The following ZBTB42 variants were observed in gnomAD, a reference collection of about 807,000 sequenced individuals.
The protein encoded by ZBTB42 is zinc finger and BTB domain-containing protein 42.
In ZBTB42, 3 loss-of-function variants were observed where a neutral mutation model predicts 4.7. The observed-to-expected ratio is 0.64, with a 90% confidence interval of 0.29 to 1.66. The LOEUF (loss-of-function observed/expected upper bound fraction) is 1.66, where lower values mean the gene tolerates loss of function less well. ZBTB42 is among the 40% of genes most tolerant of loss of function. The pLI is 0.10. For missense variants in ZBTB42, 521 were observed against 577.1 expected (o/e 0.90, Z 1.00); for synonymous variants, 255 against 259.5 (o/e 0.98, Z 0.17).
rs1894079966 is a variant in ZBTB42, at chr14:104,802,829, C to G, written c.*363C>G. 3.1e-6 allele frequency: 1 copy of G among 321,028 alleles called. No homozygotes were observed. The highest frequency in any genetic ancestry group is 2.2e-5 in the African/African-American group (1 of 46,342). 19.9% of individuals were successfully genotyped at this position (321,028 alleles called of 1,614,324 possible). On this transcript the variant is annotated 3_prime_UTR_variant, in exon 1 of 1. Coordinates refer to ENST00000342537, the MANE Select transcript of ZBTB42 (RefSeq NM_001137601.3). This position sits in a 1 kb window ranked among gnomAD's most constrained non-coding sequence, Gnocchi z 5.9. ...CGTTTCTCCGTGTGAGATGGCACAT[C>G]CATCTCCCGGCCCGGGACTTTCCTG...
upstream of ZBTB42, chr14:104,800,643 C>G (rs973371005): frequency 6.8e-6 from 1 of 145,996 alleles, no homozygotes; most frequent in Non-Finnish European, 1.5e-5. The surrounding 1 kb of genome is among the most constrained non-coding windows in gnomAD (Gnocchi z 5.3). Context: ...GCGCCAGGGC[C>G]GCCCTGGGGA....
Position 104,802,531 on chromosome 14 carries a change from A to G in ZBTB42, c.*65A>G. On this transcript the variant is annotated 3_prime_UTR_variant, in exon 1 of 1. Transcript: ENST00000342537. This position sits in a 1 kb window ranked among gnomAD's most constrained non-coding sequence, Gnocchi z 5.9. Reference sequence around the variant, plus strand: ...GGATGGGCCCTCCCAGGTGGGACACAGCATGGGGTGTGAAGCCTGACCAGG... The same window carrying G: ...GGATGGGCCCTCCCAGGTGGGACACGGCATGGGGTGTGAAGCCTGACCAGG... The G allele has an allele frequency of 6.6e-7, 1 of 1,504,900 alleles. No individual in the cohort carries two copies. Among genetic ancestry groups the G allele is most frequent in the Non-Finnish European group, 8.9e-7 (1 of 1,121,766 alleles). 93.2% of individuals were successfully genotyped at this position (1,504,900 alleles called of 1,614,324 possible).
rs1555386344 is a variant in ZBTB42, at chr14:104,803,075, G to GGT, written c.*610_*611insTG. 1 of 150,548 alleles carries GGT rather than the reference G, an allele frequency of 6.6e-6. No homozygotes were observed. Among genetic ancestry groups the GGT allele is most frequent in the Non-Finnish European group, 1.6e-5 (1 of 62,870 alleles). The allele number at this position is 150,548 out of a possible 1,614,324, so 9.3% of individuals were successfully genotyped here. ...GGCACAGCTGGTGTCTCGGGGTGGG[G>GGT]GGGGGGGTGCAGCCCCAGCAGGGAT... On this transcript the variant is annotated 3_prime_UTR_variant, in exon 1 of 1. Transcript: ENST00000342537.
At position 104,802,592 on chromosome 14, in the gene ZBTB42, C is replaced by T. The variant is rs888186781; in HGVS notation, c.*126C>T. On this transcript the variant is annotated 3_prime_UTR_variant, in exon 1 of 1. Transcript: ENST00000342537. The surrounding 1 kb of genome is among the most constrained non-coding windows in gnomAD (Gnocchi z 5.9). ...TGCTTGGGCCAGATGGCTCCACCCTCCTGGCAGAGAGAATGCTGCCTCTTC... is the reference window on the plus strand; with the variant it reads ...TGCTTGGGCCAGATGGCTCCACCCTTCTGGCAGAGAGAATGCTGCCTCTTC... 18 of 1,355,326 alleles carry T rather than the reference C, an allele frequency of 1.3e-5. No individual in the cohort carries two copies. The African/African-American group carries it at 1.8e-4, about 13-fold the overall frequency. 84.0% of individuals were successfully genotyped at this position (1,355,326 alleles called of 1,614,324 possible). A position where few individuals can be genotyped will look rare whatever the true frequency, so the allele number is the denominator to read the frequency against.
chr14:104,802,644 C>T lies in ZBTB42; in HGVS notation c.*178C>T. ...TGGAACTTGGCCTCAGACTCGGTAA[C>T]TTGGGCAGCCTTCCTCCCACCTTGC... On this transcript the variant is annotated 3_prime_UTR_variant, in exon 1 of 1. Transcript: ENST00000342537. This position sits in a 1 kb window ranked among gnomAD's most constrained non-coding sequence, Gnocchi z 5.9. The T allele has an allele frequency of 4.4e-6, 4 of 917,560 alleles. No homozygotes were observed. The highest frequency in any genetic ancestry group is 6.5e-6 in the Non-Finnish European group (4 of 614,602). 56.8% of individuals were successfully genotyped at this position (917,560 alleles called of 1,614,324 possible).
At position 104,801,363 on chromosome 14, in the gene ZBTB42, C is replaced by G. The variant is rs1033343666; in HGVS notation, c.166C>G (p.Arg56Gly). Reference sequence around the variant, plus strand: ...CTACTTCCATCTCTTCTACAGGGACCGGCCCGCGGGCAGTCGCGACACGGT... The same window carrying G: ...CTACTTCCATCTCTTCTACAGGGACGGGCCCGCGGGCAGTCGCGACACGGT... The part of the protein sequence containing the change: ...SVYFHLFYRD[R>G]PAGSRDTVRL... The change falls in exon 1 of 1, where the codon CGG becomes GGG. Residue 56 changes from arginine to glycine, a missense_variant. Coordinates refer to ENST00000342537, the MANE Select transcript of ZBTB42 (RefSeq NM_001137601.3). The surrounding 1 kb of genome is among the most constrained non-coding windows in gnomAD (Gnocchi z 4.4). 6.5e-7 allele frequency: 1 copy of G among 1,547,524 alleles called. No homozygotes were observed. The highest frequency in any genetic ancestry group is 1.4e-5 in the African/African-American group (1 of 73,098).
chr14:104,802,407 G>C lies in ZBTB42; in HGVS notation c.1210G>C (p.Asp404His). 1.3e-6 allele frequency: 2 copies of C among 1,551,064 alleles called. No individual in the cohort carries two copies. Among genetic ancestry groups the C allele is most frequent in the Non-Finnish European group, 1.7e-6 (2 of 1,147,234 alleles). Residue 404 changes from aspartate to histidine, a missense_variant, in exon 1 of 1, where the codon GAC becomes CAC. Physicochemically the swap from Asp to His is moderately conservative, Grantham distance 81. Coordinates refer to ENST00000342537, the MANE Select transcript of ZBTB42 (RefSeq NM_001137601.3). This position sits in a 1 kb window ranked among gnomAD's most constrained non-coding sequence, Gnocchi z 5.9. Reference protein sequence around the residue: ...WCERRFTQSGDLYRHVRKFHC... With the variant: ...WCERRFTQSGHLYRHVRKFHC... ...TGAGCGCCGTTTCACGCAGTCCGGG[G>C]ACCTCTACCGCCACGTCCGCAAGTT...
Position 104,801,194 on chromosome 14 carries a change from C to G in ZBTB42, c.-4C>G. On this transcript the variant is annotated 5_prime_UTR_variant, in exon 1 of 1. Coordinates refer to ENST00000342537, the MANE Select transcript of ZBTB42 (RefSeq NM_001137601.3). The surrounding 1 kb of genome is among the most constrained non-coding windows in gnomAD (Gnocchi z 4.4). ...GTTTGTGCCCAGGTGATGACGGCGGCGGCATGGAGTTCCCTGAGCACGGCG... is the reference window on the plus strand; with the variant it reads ...GTTTGTGCCCAGGTGATGACGGCGGGGGCATGGAGTTCCCTGAGCACGGCG... 1 of 1,411,650 alleles carries G rather than the reference C, an allele frequency of 7.1e-7. No individual in the cohort carries two copies. Among genetic ancestry groups the G allele is most frequent in the Non-Finnish European group, 9.2e-7 (1 of 1,087,610 alleles). The allele number at this position is 1,411,650 out of a possible 1,614,324, so 87.4% of individuals were successfully genotyped here.
Position 104,803,287 on chromosome 14 carries a change from T to G in ZBTB42, c.*821T>G, listed in dbSNP as rs1186974657. 1.2e-5 allele frequency: 2 copies of G among 166,956 alleles called. No individual in the cohort carries two copies. Among genetic ancestry groups the G allele is most frequent in the African/African-American group, 4.8e-5 (2 of 41,468 alleles). The allele number at this position is 166,956 out of a possible 1,614,324, so 10.3% of individuals were successfully genotyped here. A position where few individuals can be genotyped will look rare whatever the true frequency, so the allele number is the denominator to read the frequency against. ...GAGCCTCCTGAGGCGGCCAGATGTC[T>G]GCTGGTGGCCGCCCAGCCACATGCT... On this transcript the variant is annotated 3_prime_UTR_variant, in exon 1 of 1. Coordinates refer to ENST00000342537, the MANE Select transcript of ZBTB42 (RefSeq NM_001137601.3).
Position 104,802,745 on chromosome 14 carries a change from T to G in ZBTB42, c.*279T>G. The G allele has an allele frequency of 1.9e-6, 1 of 522,248 alleles. No individual in the cohort carries two copies. Among genetic ancestry groups the G allele is most frequent in the South Asian group, 2.4e-5 (1 of 41,568 alleles). 32.4% of individuals were successfully genotyped at this position (522,248 alleles called of 1,614,324 possible). ...TGCCTAGGCTGTGACACTATCTTCC[T>G]CTCCCGTCCCCTCCAGCCAAGTTCT... On this transcript the variant is annotated 3_prime_UTR_variant, in exon 1 of 1. Coordinates refer to ENST00000342537, the MANE Select transcript of ZBTB42 (RefSeq NM_001137601.3). This position sits in a 1 kb window ranked among gnomAD's most constrained non-coding sequence, Gnocchi z 5.9.
At chr14:104,800,647 C>T (rs1894017093), upstream of ZBTB42, 1 of 146,040 alleles carries the variant, frequency 6.8e-6, no homozygotes, top group Admixed American at 6.8e-5. This position sits in a 1 kb window ranked among gnomAD's most constrained non-coding sequence, Gnocchi z 5.3. Flanking sequence ...CAGGGCCGCC[C>T]TGGGGAGGGC....
rs1381269821 is a variant in ZBTB42, at chr14:104,803,074, G to C, written c.*608G>C. On this transcript the variant is annotated 3_prime_UTR_variant, in exon 1 of 1. Coordinates refer to ENST00000342537, the MANE Select transcript of ZBTB42 (RefSeq NM_001137601.3). ...GGGCACAGCTGGTGTCTCGGGGTGG[G>C]GGGGGGGGTGCAGCCCCAGCAGGGA... 4 of 150,522 alleles carry C rather than the reference G, an allele frequency of 2.7e-5. No individual in the cohort carries two copies. The highest frequency in any genetic ancestry group is 2.8e-4 in the South Asian group (1 of 3,528). 9.3% of individuals were successfully genotyped at this position (150,522 alleles called of 1,614,324 possible). A position where few individuals can be genotyped will look rare whatever the true frequency, so the allele number is the denominator to read the frequency against.
In ZBTB42 at chr14:104,802,741, T is replaced by G; in HGVS notation, c.*275T>G. Reference sequence around the variant, plus strand: ...GCCCTGCCTAGGCTGTGACACTATCTTCCTCTCCCGTCCCCTCCAGCCAAG... The same window carrying G: ...GCCCTGCCTAGGCTGTGACACTATCGTCCTCTCCCGTCCCCTCCAGCCAAG... On this transcript the variant is annotated 3_prime_UTR_variant, in exon 1 of 1. Transcript: ENST00000342537. The surrounding 1 kb of genome is among the most constrained non-coding windows in gnomAD (Gnocchi z 5.9). 5.6e-6 allele frequency: 3 copies of G among 534,670 alleles called. No homozygotes were observed. The highest frequency in any genetic ancestry group is 6.9e-6 in the Non-Finnish European group (2 of 291,898). 33.1% of individuals were successfully genotyped at this position (534,670 alleles called of 1,614,324 possible).
upstream of ZBTB42, chr14:104,801,024 A>G: frequency 1.3e-6 from 1 of 769,654 alleles, no homozygotes; most frequent in Non-Finnish European, 1.9e-6. This position sits in a 1 kb window ranked among gnomAD's most constrained non-coding sequence, Gnocchi z 4.4. Context: ...TTTACTTTCG[A>G]TCGAGTTTTT....
chr14:104,802,496 G>A lies in ZBTB42; in HGVS notation c.*30G>A, dbSNP rs1894070569. The A allele has an allele frequency of 1.3e-6, 2 of 1,531,154 alleles. No homozygotes were observed. The highest frequency in any genetic ancestry group is 1.8e-6 in the Non-Finnish European group (2 of 1,135,616). The allele number at this position is 1,531,154 out of a possible 1,614,324, so 94.8% of individuals were successfully genotyped here. On this transcript the variant is annotated 3_prime_UTR_variant, in exon 1 of 1. Coordinates refer to ENST00000342537, the MANE Select transcript of ZBTB42 (RefSeq NM_001137601.3). This position sits in a 1 kb window ranked among gnomAD's most constrained non-coding sequence, Gnocchi z 5.9. The stretch of plus-strand genomic sequence containing the variant: ...TCCCTGTGGGTCCTGAGGGTGGGGT[G>A]GAAGGGAAGGGATGGGCCCTCCCAG...
In ZBTB42 at chr14:104,804,552, G is replaced by C. The variant is rs1471181593; in HGVS notation, c.*2086G>C. 1 of 166,916 alleles carries C rather than the reference G, an allele frequency of 6.0e-6. No homozygotes were observed. The highest frequency in any genetic ancestry group is 1.5e-5 in the Non-Finnish European group (1 of 68,144). 10.3% of individuals were successfully genotyped at this position (166,916 alleles called of 1,614,324 possible). A position where few individuals can be genotyped will look rare whatever the true frequency, so the allele number is the denominator to read the frequency against. On this transcript the variant is annotated 3_prime_UTR_variant, in exon 1 of 1. Coordinates refer to ENST00000342537, the MANE Select transcript of ZBTB42 (RefSeq NM_001137601.3). ...AGCAGCGTGGGGGTCTCCTGGGCCA[G>C]CTCGGCACCTGTGGGTGCTCTGACC...
chr14:104,802,078 G>T lies in ZBTB42; in HGVS notation c.881G>T (p.Cys294Phe). Residue 294 changes from cysteine to phenylalanine, a missense_variant, in exon 1 of 1, where the codon TGC (cysteine) becomes TTC (phenylalanine). Transcript: ENST00000342537. The surrounding 1 kb of genome is among the most constrained non-coding windows in gnomAD (Gnocchi z 5.9). Reference protein sequence around the residue: ...EDELGPGGPLCICPLCSKLFP... With the variant: ...EDELGPGGPLFICPLCSKLFP... ...GAGCTGGGGCCTGGTGGGCCCCTCT[G>T]CATCTGCCCGTTGTGCAGCAAGCTG... The T allele has an allele frequency of 6.6e-7, 1 of 1,511,280 alleles. No homozygotes were observed. Among genetic ancestry groups the T allele is most frequent in the South Asian group, 1.2e-5 (1 of 80,174 alleles). The allele number at this position is 1,511,280 out of a possible 1,614,324, so 93.6% of individuals were successfully genotyped here. A position where few individuals can be genotyped will look rare whatever the true frequency, so the allele number is the denominator to read the frequency against.
Position 104,802,630 on chromosome 14 carries a change from C to T in ZBTB42, c.*164C>T, listed in dbSNP as rs747931675. On this transcript the variant is annotated 3_prime_UTR_variant, in exon 1 of 1. Coordinates refer to ENST00000342537, the MANE Select transcript of ZBTB42 (RefSeq NM_001137601.3). This position sits in a 1 kb window ranked among gnomAD's most constrained non-coding sequence, Gnocchi z 5.9. ...ATGCTGCCTCTTCCTGGAACTTGGC[C>T]TCAGACTCGGTAACTTGGGCAGCCT... The T allele has an allele frequency of 9.0e-6, 10 of 1,109,684 alleles. No individual in the cohort carries two copies. The highest frequency in any genetic ancestry group is 1.1e-5 in the Non-Finnish European group (9 of 790,114). 68.7% of individuals were successfully genotyped at this position (1,109,684 alleles called of 1,614,324 possible).
rs548060713 is a variant in ZBTB42 at position 104,802,087 on chromosome 14, C to T, written c.890C>T (p.Pro297Leu). Residue 297 changes from proline to leucine, a missense_variant, in exon 1 of 1, where the codon CCG becomes CTG. Coordinates refer to ENST00000342537, the MANE Select transcript of ZBTB42 (RefSeq NM_001137601.3). This position sits in a 1 kb window ranked among gnomAD's most constrained non-coding sequence, Gnocchi z 5.9. ...CCTGGTGGGCCCCTCTGCATCTGCC[C>T]GTTGTGCAGCAAGCTGTTTCCCAGC... ...LGPGGPLCIC[P>L]LCSKLFPSSH... 1.5e-5 allele frequency: 22 copies of T among 1,515,906 alleles called. No homozygotes were observed. In the African/African-American group the frequency reaches 2.9e-4, roughly 20 times the overall value. The allele number at this position is 1,515,906 out of a possible 1,614,324, so 93.9% of individuals were successfully genotyped here.
Sources: gnomAD v4.1 joint callset for allele counts on GRCh38, gnomAD v4.1.1 for gene constraint, Gnocchi (gnomAD v3.1) non-coding constraint, MANE v1.5 for transcripts, NCBI Gene and HGNC (gene_info 2026-07-23, HGNC 2026-07-21) for gene names.